The following DLG2 variants were observed in gnomAD, a reference collection of about 807,000 sequenced individuals.
DLG2 encodes the protein disks large homolog 2.
DLG2 carries 45 observed loss-of-function variants against 132.5 expected under a neutral mutation model. The ratio of observed to expected loss-of-function variants is 0.34; its 90% confidence interval spans 0.27 to 0.44. DLG2 has a LOEUF of 0.44. Among genes scored for constraint, DLG2 ranks in the 20% least tolerant of loss-of-function variants. The pLI is 1.00. For synonymous variants in DLG2, 424 were observed against 419.6 expected, an observed-to-expected ratio of 1.01 and a Z score of -0.13; for missense variants, 1,045 against 1,196.9, an observed-to-expected ratio of 0.87 and a Z score of 1.87.
chr11:85,590,633 TTCTCTC>T (rs979440461), intron 3 of DLG2, among the ~76,000 whole-genome samples: 5 of 150,848 alleles, frequency 3.3e-5, no homozygotes, highest in East Asian at 3.9e-4. Context: ...TTTTTTTATA[TTCTCTC>T]TCTCTCTCTC....
At chr11:85,150,806 T>C (rs1157087608) in intron 5 of DLG2, among the ~76,000 whole-genome samples, 1 of 151,474 alleles carries the variant, frequency 6.6e-6, no homozygotes, top group Admixed American at 6.6e-5. Flanking sequence ...CTTCCACCAC[T>C]TGAGTATTGC....
At chr11:84,851,453 C>T (rs999500387) in intron 6 of DLG2, among the ~76,000 whole-genome samples, 6 of 152,002 alleles carry the variant, frequency 3.9e-5, no homozygotes, top group African/African-American at 1.4e-4. Context: ...AATTCCTGCC[C>T]AAATTGGAGC....
chr11:83,747,275 T>TCTTCCTTCCTTCCTTCCTTC (rs61484895), intron 18 of DLG2, among the ~76,000 whole-genome samples: 51 of 121,656 alleles, frequency 4.2e-4, no homozygotes, highest in African/African-American at 9.2e-4. Flanking sequence ...TGCTTTAAAA[T>TCTTCCTTCCTTCCTTCCTTC]CTTCCTTCCT....
chr11:85,079,671 T>C (rs908565462), intron 6 of DLG2, among the ~76,000 whole-genome samples: 2 of 152,026 alleles, frequency 1.3e-5, no homozygotes, highest in Admixed American at 6.6e-5. Context: ...AAAAGACCTA[T>C]AGCTAATTTA....
chr11:84,604,856 G>A (rs955614157), intron 6 of DLG2, among the ~76,000 whole-genome samples: 5 of 151,958 alleles, frequency 3.3e-5, no homozygotes, highest in Admixed American at 2.6e-4. Context: ...CAAATAATAT[G>A]TTCCTTTAAG....
intron 8 of DLG2, among the ~76,000 whole-genome samples, chr11:84,198,662 TG>T (rs2096554204): frequency 6.6e-6 from 1 of 152,122 alleles, no homozygotes; most frequent in Non-Finnish European, 1.5e-5. Flanking sequence ...ATGGTATACC[TG>T]AATATGAGTA....
intron 24 of DLG2, among the ~76,000 whole-genome samples, chr11:83,470,320 TAGAA>T (rs1374127236): frequency 2.0e-5 from 3 of 152,086 alleles, no homozygotes; most frequent in Non-Finnish European, 4.4e-5. Context: ...AATGCATGCA[TAGAA>T]AGAATAGATG....
intron 5 of DLG2, among the ~76,000 whole-genome samples, chr11:85,124,104 C>T (rs2152380793): frequency 6.6e-6 from 1 of 152,224 alleles, no homozygotes; most frequent in Middle Eastern, 3.4e-3. Flanking sequence ...ACAGAAACAC[C>T]ATCAGCTGCT....
chr11:83,680,461 A>G (rs2078581452), intron 18 of DLG2, among the ~76,000 whole-genome samples: 1 of 152,178 alleles, frequency 6.6e-6, no homozygotes, highest in Non-Finnish European at 1.5e-5. Context: ...ACAGATGTTC[A>G]TTTGTATCTG....
intron 21 of DLG2, among the ~76,000 whole-genome samples, chr11:83,494,548 T>C (rs2094045551): frequency 6.6e-6 from 1 of 151,036 alleles, no homozygotes; most frequent in Non-Finnish European, 1.5e-5. Context: ...TTGAACTGCC[T>C]ATTTCTTTTT....
intron 6 of DLG2, among the ~76,000 whole-genome samples, chr11:84,835,526 T>C (rs2079634651): frequency 6.6e-6 from 1 of 151,718 alleles, no homozygotes; most frequent in Admixed American, 6.6e-5. Flanking sequence ...GTGCAATAAA[T>C]TCTATCACCA....
At chr11:85,216,186 T>C (rs533709117) in intron 4 of DLG2, among the ~76,000 whole-genome samples, 1 of 152,242 alleles carries the variant, frequency 6.6e-6, no homozygotes, top group African/African-American at 2.4e-5. Context: ...AGAAAGTTTT[T>C]TAAAAGGCAG....
chr11:83,560,378 A>C (rs549743710), intron 19 of DLG2, among the ~76,000 whole-genome samples: 1 of 152,266 alleles, frequency 6.6e-6, no homozygotes, highest in South Asian at 2.1e-4. Context: ...TCAGCCTCCC[A>C]AAGTGCTGGG....
intron 6 of DLG2, among the ~76,000 whole-genome samples, chr11:84,928,874 C>T (rs1313710479): frequency 6.7e-6 from 1 of 149,042 alleles, no homozygotes; most frequent in East Asian, 2.0e-4. Flanking sequence ...AATTGGATGT[C>T]ATTTTGTTTC....
At chr11:84,128,710 G>T (rs892396269) in intron 9 of DLG2, among the ~76,000 whole-genome samples, 31 of 151,904 alleles carry the variant, frequency 2.0e-4, no homozygotes, top group African/African-American at 7.5e-4. Context: ...CAGCTAATTG[G>T]ATCAATCAGG....
chr11:83,917,345 A>T (rs1396584316), intron 15 of DLG2, among the ~76,000 whole-genome samples: 1 of 152,182 alleles, frequency 6.6e-6, no homozygotes, highest in Non-Finnish European at 1.5e-5. Context: ...ATGTACCTTG[A>T]TTCTACTTTT....
At chr11:84,316,461 A>G (rs966992393) in intron 7 of DLG2, among the ~76,000 whole-genome samples, 2 of 152,194 alleles carry the variant, frequency 1.3e-5, no homozygotes, top group Non-Finnish European at 2.9e-5. Context: ...TTTAGTTAAA[A>G]TTTATTTTTT....
chr11:84,156,730 T>G (rs755192806), intron 9 of DLG2, among the ~76,000 whole-genome samples: 1 of 152,254 alleles, frequency 6.6e-6, no homozygotes, highest in Non-Finnish European at 1.5e-5. Context: ...ATGACTGATT[T>G]ATTGCATCAT....
intron 10 of DLG2, among the ~76,000 whole-genome samples, chr11:84,094,677 G>A (rs1227005194): frequency 6.6e-6 from 1 of 152,104 alleles, no homozygotes; most frequent in African/African-American, 2.4e-5. Flanking sequence ...ACTAATATAA[G>A]CCAGGGCTTC....
Sources: allele counts gnomAD v4.1 joint callset (sites outside exome capture counted in the v4.1 genomes callset), GRCh38; gene constraint gnomAD v4.1.1; transcripts MANE v1.5; gene names NCBI Gene and HGNC (gene_info 2026-07-23, HGNC 2026-07-21).